ADARB2: variants seen among roughly 807,000 people sequenced by gnomAD.
ADARB2 encodes the protein adenosine deaminase RNA specific B2 (inactive), also known as inactive double-stranded RNA-specific editase B2.
ADARB2 carries 25 observed loss-of-function variants against 62.2 expected under a neutral mutation model. That is an observed-to-expected ratio of 0.40 (90% CI 0.29 to 0.56). The LOEUF (loss-of-function observed/expected upper bound fraction) is 0.56. ADARB2 is among the 20% of genes least tolerant of loss of function. ADARB2 has a pLI of 0.43. For missense variants in ADARB2, 1,071 were observed against 1,077.4 expected, an observed-to-expected ratio of 0.99 and a Z score of 0.08; for synonymous variants, 572 against 500.8, an observed-to-expected ratio of 1.14 and a Z score of -1.90.
intron 4 of ADARB2, among the ~76,000 whole-genome samples, chr10:1,268,878 A>G (rs1051149389): frequency 4.6e-5 from 7 of 152,384 alleles, no homozygotes; most frequent in African/African-American, 1.7e-4. Flanking sequence ...GGCAACTTAG[A>G]AGTATCATTT....
chr10:1,632,689 C>T (rs2119046124), intron 1 of ADARB2, among the ~76,000 whole-genome samples: 1 of 152,336 alleles, frequency 6.6e-6, no homozygotes, highest in South Asian at 2.1e-4. Flanking sequence ...GTCCTCCTCC[C>T]ACTCACTGTG....
At position 1,351,994 on chromosome 10, in the gene ADARB2, T is replaced by C. The variant is rs377029549; in HGVS notation, c.1077+11034A>G. ...GTTCTGTATCTCAAACATGCTTTCT[T>C]TACTATTCCTTTGCACCCTTCATCC... is the stretch of plus-strand genomic sequence containing the variant. On this transcript the variant is annotated intron_variant, in intron 3 of 9. Coordinates refer to ENST00000381312, the MANE Select transcript of ADARB2 (RefSeq NM_018702.4). 3.1e-3 allele frequency among the ~76,000 whole-genome samples: 467 copies of C among 150,520 alleles called. 8 individuals carry two copies. Among genetic ancestry groups the C allele is most frequent in the African/African-American group, 0.011 (444 of 40,060 alleles).
intron 6 of ADARB2, among the ~76,000 whole-genome samples, chr10:1,231,515 G>T (rs1174929715): frequency 6.6e-6 from 1 of 152,074 alleles, no homozygotes; most frequent in African/African-American, 2.4e-5. Flanking sequence ...GTGTGATCTT[G>T]TGGGGCCACA....
rs1588370152 is a variant in ADARB2, at chr10:1,732,346, T to C, written c.100+4705A>G. Among the ~76,000 whole-genome samples, 2 of 152,068 alleles carry C rather than the reference T, an allele frequency of 1.3e-5. 1 individual carries two copies. The highest frequency in any genetic ancestry group is 4.8e-5 in the African/African-American group (2 of 41,504). ...AAAAAAAAAATTTCCTTTTCTATGTTTCCTTACGTAATGCGCTTCTGAGAT... is the reference window on the plus strand; with the variant it reads ...AAAAAAAAAATTTCCTTTTCTATGTCTCCTTACGTAATGCGCTTCTGAGAT... On this transcript the variant is annotated intron_variant, in intron 1 of 9. Transcript: ENST00000381312.
chr10:1,584,356 TG>T (rs1833146749), intron 1 of ADARB2, among the ~76,000 whole-genome samples: 1 of 152,090 alleles, frequency 6.6e-6, no homozygotes, highest in South Asian at 2.1e-4. Flanking sequence ...CCGTATCATA[TG>T]TCACTAGAGA....
At chr10:1,667,105 T>C (rs1204241688) in intron 1 of ADARB2, among the ~76,000 whole-genome samples, 1 of 152,372 alleles carries the variant, frequency 6.6e-6, no homozygotes, top group South Asian at 2.1e-4. Context: ...TGAGGAATTA[T>C]TTGCGTAAAT....
chr10:1,688,397 T>C (rs9651400), intron 1 of ADARB2, among the ~76,000 whole-genome samples: 146,959 of 152,320 alleles, frequency 0.96, 70,946 homozygotes, highest in East Asian at 1. Context: ...GTGGGTCCCA[T>C]TCCAAGCTCC....
chr10:1,514,698 G>A (rs1367477316), intron 1 of ADARB2, among the ~76,000 whole-genome samples: 1 of 152,206 alleles, frequency 6.6e-6, no homozygotes, highest in Non-Finnish European at 1.5e-5. Flanking sequence ...GTTGTCACCT[G>A]TGGCAGATGG....
At chr10:1,282,878 G>A (rs1337751557) in intron 3 of ADARB2, among the ~76,000 whole-genome samples, 2 of 152,210 alleles carry the variant, frequency 1.3e-5, no homozygotes, top group African/African-American at 2.4e-5. Flanking sequence ...AATAAGGGAA[G>A]ACACTTTCCC....
chr10:1,302,523 A>C (rs897583075), intron 3 of ADARB2, among the ~76,000 whole-genome samples: 1 of 152,222 alleles, frequency 6.6e-6, no homozygotes, highest in African/African-American at 2.4e-5. Context: ...GGTGGAGCCC[A>C]CCACAGCTCA....
At chr10:1,560,153 TGAAAA>T (rs1832767765) in intron 1 of ADARB2, among the ~76,000 whole-genome samples, 2 of 152,164 alleles carry the variant, frequency 1.3e-5, no homozygotes, top group African/African-American at 2.4e-5. Context: ...TAAAAATTCC[TGAAAA>T]GAAAAGAGAG....
intron 1 of ADARB2, among the ~76,000 whole-genome samples, chr10:1,624,234 G>A (rs890814619): frequency 5.3e-5 from 8 of 151,122 alleles, no homozygotes; most frequent in Non-Finnish European, 1.0e-4. Context: ...ATCCTGTCTC[G>A]GAAAAAACAA....
At chr10:1,439,768 T>C (rs1261326102) in intron 1 of ADARB2, among the ~76,000 whole-genome samples, 1 of 143,020 alleles carries the variant, frequency 7.0e-6, no homozygotes, top group Non-Finnish European at 1.5e-5. Flanking sequence ...GGCTCCTGAG[T>C]GTCCCCCAGG....
Position 1,363,836 on chromosome 10 carries a change from C to G in ADARB2, c.269G>C (p.Arg90Pro), listed in dbSNP as rs568793305. 2 of 1,560,824 alleles carry G rather than the reference C, an allele frequency of 1.3e-6. No homozygotes were observed. The highest frequency in any genetic ancestry group is 1.2e-5 in the South Asian group (1 of 86,632). ...CCTCTTCGCGCCGGGCGCGCCGCCCCGGGCCCGGTCCCCGGAGGGCGGTGG... is the reference window on the plus strand; with the variant it reads ...CCTCTTCGCGCCGGGCGCGCCGCCCGGGGCCCGGTCCCCGGAGGGCGGTGG... ...ARPPPSGDRA[R>P]GGAPGAKRKR... The change falls in exon 3 of 10, where the codon CGG becomes CCG. Residue 90 changes from arginine to proline, a missense_variant. Physicochemically the swap from Arg to Pro is moderately radical, Grantham distance 103. Transcript: ENST00000381312.
Position 1,345,601 on chromosome 10 carries a change from T to C in ADARB2, c.1077+17427A>G, listed in dbSNP as rs117632374. ...TCTGCTGGTGACCTGGATTCCCATC[T>C]GGGGAGCTGGCTGGACAGAAGGGCT... On this transcript the variant is annotated intron_variant, in intron 3 of 9. Transcript: ENST00000381312. Among the ~76,000 whole-genome samples, 366 of 152,302 alleles carry C rather than the reference T, an allele frequency of 2.4e-3. 1 individual carries two copies. The East Asian group carries it at 0.025, about 11-fold the overall frequency.
chr10:1,706,342 G>C (rs1177516647), intron 1 of ADARB2, among the ~76,000 whole-genome samples: 1 of 152,204 alleles, frequency 6.6e-6, no homozygotes, highest in African/African-American at 2.4e-5. Flanking sequence ...GGTACAAAGA[G>C]AACTGGGGAA....
chr10:1,648,435 C>T (rs1190129875), intron 1 of ADARB2, among the ~76,000 whole-genome samples: 2 of 152,264 alleles, frequency 1.3e-5, no homozygotes, highest in East Asian at 1.9e-4. Flanking sequence ...GCTGGCTCAA[C>T]TGCTTGTTTT....
chr10:1,425,859 T>A (rs574258118), intron 1 of ADARB2, among the ~76,000 whole-genome samples: 22 of 152,170 alleles, frequency 1.4e-4, no homozygotes, highest in African/African-American at 5.1e-4. Context: ...TTAGCAAACA[T>A]TGACTCCTCA....
chr10:1,595,127 G>A (rs908557377), intron 1 of ADARB2, among the ~76,000 whole-genome samples: 21 of 152,222 alleles, frequency 1.4e-4, no homozygotes, highest in Non-Finnish European at 2.9e-4. Flanking sequence ...GCTTGGGAAC[G>A]GTGCACTTAT....
Sources: gnomAD v4.1 joint callset for allele counts (sites outside exome capture counted in the v4.1 genomes callset) on GRCh38, gnomAD v4.1.1 for gene constraint, MANE v1.5 for transcripts, NCBI Gene and HGNC (gene_info 2026-07-23, HGNC 2026-07-21) for gene names.